Variants in PABPC4L observed in about 807,000 individuals in gnomAD.
PABPC4L encodes poly(A) binding protein cytoplasmic 4 like.
For synonymous variants in PABPC4L, 169 were observed against 164.1 expected, an observed-to-expected ratio of 1.03 and a Z score of -0.23; for missense variants, 452 against 451.4, an observed-to-expected ratio of 1.00 and a Z score of -0.01.
chr4:134,149,385 G>C, the PABPC4L span, among the ~76,000 whole-genome samples: 2 of 152,116 alleles, frequency 1.3e-5, no homozygotes, highest in Non-Finnish European at 2.9e-5. Flanking sequence ...TTGAGGCTGG[G>C]GTTGATCAAC....
At chr4:134,030,964 G>C in the PABPC4L span, among the ~76,000 whole-genome samples, 5,860 of 152,050 alleles carry the variant, frequency 0.039, 159 homozygotes, top group South Asian at 0.096. Flanking sequence ...TAATAGCTTT[G>C]AGTATCTCTG....
the PABPC4L span, among the ~76,000 whole-genome samples, chr4:134,148,728 C>T: frequency 6.6e-6 from 1 of 152,088 alleles, no homozygotes; most frequent in South Asian, 2.1e-4. Context: ...AACAACCCCA[C>T]CTTCTCATAA....
chr4:134,009,592 A>C, the PABPC4L span, among the ~76,000 whole-genome samples: 1 of 152,160 alleles, frequency 6.6e-6, no homozygotes, highest in African/African-American at 2.4e-5. Context: ...AGCTTGCAGA[A>C]GGAAACACTG....
chr4:133,963,562 A>G, the PABPC4L span, among the ~76,000 whole-genome samples: 1 of 152,116 alleles, frequency 6.6e-6, no homozygotes, highest in African/African-American at 2.4e-5. Context: ...AGCTCATGGA[A>G]CTTTCTCCAA....
At chr4:134,165,233 T>G in the PABPC4L span, among the ~76,000 whole-genome samples, 1 of 152,066 alleles carries the variant, frequency 6.6e-6, no homozygotes, top group Admixed American at 6.5e-5. Context: ...GGCAAAGAAA[T>G]TATGACTAAT....
chr4:134,054,246 GTATATGTA>G, the PABPC4L span, among the ~76,000 whole-genome samples: 1,881 of 73,936 alleles, frequency 0.025, 48 homozygotes, highest in Admixed American at 0.1. Flanking sequence ...TACTTTAGTT[GTATATGTA>G]TATATATATA....
At chr4:134,034,459 T>C in the PABPC4L span, among the ~76,000 whole-genome samples, 1 of 152,014 alleles carries the variant, frequency 6.6e-6, no homozygotes, top group Non-Finnish European at 1.5e-5. Flanking sequence ...CTACAGCTGC[T>C]ATAGAGAGTG....
the PABPC4L span, among the ~76,000 whole-genome samples, chr4:134,042,948 G>A: frequency 3.0e-4 from 45 of 152,108 alleles, no homozygotes; most frequent in African/African-American, 1.0e-3. Flanking sequence ...GTGACTCATT[G>A]ACCTCTTTCA....
chr4:134,009,829 G>A, the PABPC4L span, among the ~76,000 whole-genome samples: 1 of 152,024 alleles, frequency 6.6e-6, no homozygotes, highest in African/African-American at 2.4e-5. Context: ...GAACATAAAT[G>A]TATATTAATT....
At chr4:134,092,695 G>A in the PABPC4L span, among the ~76,000 whole-genome samples, 941 of 152,008 alleles carry the variant, frequency 6.2e-3, 10 homozygotes, top group Non-Finnish European at 0.01. Flanking sequence ...GCATTTAAGG[G>A]CACTCACCCC....
At chr4:134,128,418 A>G in the PABPC4L span, among the ~76,000 whole-genome samples, 1 of 152,212 alleles carries the variant, frequency 6.6e-6, no homozygotes, top group African/African-American at 2.4e-5. Context: ...AGTCGAAAGC[A>G]TCAGGTAACC....
chr4:134,016,943 C>G, the PABPC4L span, among the ~76,000 whole-genome samples: 4 of 152,160 alleles, frequency 2.6e-5, no homozygotes, highest in Non-Finnish European at 4.4e-5. Context: ...TAAAATATCT[C>G]TTAGTCTAGG....
the PABPC4L span, among the ~76,000 whole-genome samples, chr4:134,112,082 C>T: frequency 6.6e-6 from 1 of 151,382 alleles, no homozygotes; most frequent in Non-Finnish European, 1.5e-5. Context: ...AATCTGTACT[C>T]AGAAGAAAAA....
intron 1 of PABPC4L, among the ~76,000 whole-genome samples, chr4:134,201,462 G>C (rs79590028): frequency 0.21 from 31,837 of 152,008 alleles, 4,133 homozygotes; most frequent in Non-Finnish European, 0.27. Flanking sequence ...GGCCCCAGCC[G>C]TGGAGTATGG....
chr4:134,135,002 C>G, the PABPC4L span, among the ~76,000 whole-genome samples: 1 of 151,840 alleles, frequency 6.6e-6, no homozygotes, highest in African/African-American at 2.4e-5. Flanking sequence ...GTTATTGAAG[C>G]AAAGAACACC....
the PABPC4L span, among the ~76,000 whole-genome samples, chr4:134,140,079 C>A: frequency 6.6e-6 from 1 of 151,760 alleles, no homozygotes; most frequent in Non-Finnish European, 1.5e-5. Context: ...TTCTGAAGTG[C>A]TATTCAGACC....
the PABPC4L span, among the ~76,000 whole-genome samples, chr4:133,960,121 C>T: frequency 5.3e-5 from 8 of 152,086 alleles, no homozygotes; most frequent in Non-Finnish European, 1.2e-4. Flanking sequence ...TGCAGAGATT[C>T]GCATTGTGAA....
At chr4:134,080,130 G>T in the PABPC4L span, among the ~76,000 whole-genome samples, 1 of 151,886 alleles carries the variant, frequency 6.6e-6, no homozygotes, top group Non-Finnish European at 1.5e-5. Flanking sequence ...GTTTAATCTA[G>T]TATTTCAGAA....
At chr4:134,085,561 T>A in the PABPC4L span, among the ~76,000 whole-genome samples, 43 of 152,122 alleles carry the variant, frequency 2.8e-4, no homozygotes, top group African/African-American at 1.0e-3. Flanking sequence ...GAAATCTGTG[T>A]CCTATCTCAG....
Sources: gnomAD v4.1 joint callset for allele counts (sites outside exome capture counted in the v4.1 genomes callset) on GRCh38, gnomAD v4.1.1 for gene constraint, MANE v1.5 for transcripts, NCBI Gene and HGNC (gene_info 2026-07-23, HGNC 2026-07-21) for gene names.